The following EVC2 variants were observed in gnomAD, a reference collection of about 807,000 sequenced individuals.
EVC2 encodes EvC ciliary complex subunit 2.
A neutral mutation model predicts 149.3 loss-of-function variants in EVC2; 148 were observed. The observed-to-expected ratio is 0.99, with a 90% CI of 0.87 to 1.14. The LOEUF (loss-of-function observed/expected upper bound fraction) is 1.14. EVC2 is among the 50% of genes most tolerant of loss of function. The probability of loss-of-function intolerance (pLI) is 0.00; values close to 1 mark genes in which losing one functional copy is unlikely to be tolerated. For synonymous variants in EVC2, 776 were observed against 649.9 expected, an observed-to-expected ratio of 1.19 and a Z score of -2.95; for missense variants, 1,854 against 1,627.3, an observed-to-expected ratio of 1.14 and a Z score of -2.40.
chr4:5,654,009 T>A (rs1014288606), intron 9 of EVC2, among the ~76,000 whole-genome samples: 4 of 151,836 alleles, frequency 2.6e-5, no homozygotes, highest in African/African-American at 7.3e-5. Flanking sequence ...AGGTAAGGAG[T>A]TCGACACCAG....
At chr4:5,599,529 C>T (rs1405068767) in intron 16 of EVC2, among the ~76,000 whole-genome samples, 1 of 151,964 alleles carries the variant, frequency 6.6e-6, no homozygotes, top group Non-Finnish European at 1.5e-5. Context: ...AATGAGAACA[C>T]ATGGACACAG....
At chr4:5,547,991 C>A (rs1199058286) in intron 21 of EVC2, among the ~76,000 whole-genome samples, 1 of 152,152 alleles carries the variant, frequency 6.6e-6, no homozygotes, top group African/African-American at 2.4e-5. Flanking sequence ...TGTGGTGCAC[C>A]TGGTCTAGCC....
intron 21 of EVC2, among the ~76,000 whole-genome samples, chr4:5,546,349 C>T (rs192178181): frequency 2.0e-5 from 3 of 152,204 alleles, no homozygotes; most frequent in Middle Eastern, 3.4e-3. Flanking sequence ...ATTAAGGAAA[C>T]GTGGCACATA....
chr4:5,701,208 G>C (rs1709046174), intron 1 of EVC2, among the ~76,000 whole-genome samples: 2 of 152,146 alleles, frequency 1.3e-5, no homozygotes, highest in South Asian at 4.1e-4. Flanking sequence ...ATCTCCTTCT[G>C]ATCTCTTCTC....
In EVC2 at chr4:5,614,515, G is replaced by T. The variant is rs1373909121; in HGVS notation, c.2829+907C>A. 1.3e-5 allele frequency among the ~76,000 whole-genome samples: 2 copies of T among 152,192 alleles called. No homozygotes were observed. Among genetic ancestry groups the T allele is most frequent in the Non-Finnish European group, 2.9e-5 (2 of 68,030 alleles). On this transcript the variant is annotated intron_variant, in intron 16 of 21. Transcript: ENST00000344408. The surrounding 1 kb of genome is among the most constrained non-coding windows in gnomAD (Gnocchi z 4.7). ...GGAGAATCTACGGTGTTCGGGTAAG[G>T]CTTCTTGGAAGGGGAGACATCCAAG...
In EVC2 at chr4:5,568,539, CTGAGGCTG is replaced by C; in HGVS notation, c.3454_3461del (p.Gln1152AlafsTer18). ...TGGCCGAATCCAGCAGGGCCAGCAG[CTGAGGCTG>C]TGAGGCTGTGGGCAGTACCACACTC... On this transcript the variant is annotated frameshift_variant, in exon 20 of 22. Coordinates refer to ENST00000344408, the MANE Select transcript of EVC2 (RefSeq NM_147127.5). LOFTEE classifies it high-confidence loss of function. 1.2e-6 allele frequency: 2 copies of C among 1,601,978 alleles called. No individual in the cohort carries two copies. The highest frequency in any genetic ancestry group is 1.7e-6 in the Non-Finnish European group (2 of 1,178,360).
chr4:5,621,535 C>T (rs1715688157), intron 14 of EVC2, among the ~76,000 whole-genome samples: 1 of 152,182 alleles, frequency 6.6e-6, no homozygotes, highest in African/African-American at 2.4e-5. Flanking sequence ...CCTCCAGTTT[C>T]CAATCTGTTG....
intron 9 of EVC2, among the ~76,000 whole-genome samples, chr4:5,648,456 G>C (rs1453091845): frequency 1.3e-5 from 2 of 152,168 alleles, no homozygotes; most frequent in Non-Finnish European, 2.9e-5. Flanking sequence ...GCTGTACCAG[G>C]TGCTTTACCG....
chr4:5,689,068 G>T, intron 5 of EVC2, 89 bp downstream of exon 5: 1 of 1,438,500 alleles, frequency 7.0e-7, no homozygotes. Flanking sequence ...AAGGCTTTAA[G>T]AACATGCCTG....
chr4:5,659,110 G>A (rs1020649964), intron 9 of EVC2, among the ~76,000 whole-genome samples: 4 of 152,188 alleles, frequency 2.6e-5, no homozygotes, highest in Non-Finnish European at 2.9e-5. Context: ...AATGCTCTTT[G>A]TCAAAAATAA....
intron 7 of EVC2, 72 bp from the exon 8 acceptor site, chr4:5,665,721 G>C (rs1006503129): frequency 1.1e-5 from 18 of 1,584,762 alleles, no homozygotes; most frequent in Non-Finnish European, 1.5e-5. Flanking sequence ...ACAGATGATT[G>C]AGTGTCAGAG....
intron 1 of EVC2, among the ~76,000 whole-genome samples, chr4:5,700,853 G>C (rs1397648707): frequency 1.3e-5 from 2 of 151,536 alleles, no homozygotes; most frequent in Admixed American, 1.3e-4. Flanking sequence ...TCCACTTAAT[G>C]ATCAGTCCTC....
At chr4:5,653,982 G>C (rs895901512) in intron 9 of EVC2, among the ~76,000 whole-genome samples, 18 of 152,224 alleles carry the variant, frequency 1.2e-4, no homozygotes, top group African/African-American at 4.1e-4. Context: ...GGGAGGCCGA[G>C]GCAGGCGGAT....
At chr4:5,537,395 C>T in the EVC2 span, among the ~76,000 whole-genome samples, 1 of 152,182 alleles carries the variant, frequency 6.6e-6, no homozygotes, top group Non-Finnish European at 1.5e-5. Context: ...AAACAATATT[C>T]AGTGCTCACA....
intron 21 of EVC2, among the ~76,000 whole-genome samples, chr4:5,551,827 A>T (rs540293741): frequency 6.6e-6 from 1 of 152,262 alleles, no homozygotes; most frequent in South Asian, 2.1e-4. Context: ...ATAGTGAATA[A>T]GTCTCACAAG....
chr4:5,659,526 G>C (rs1321679533), intron 9 of EVC2, among the ~76,000 whole-genome samples: 1 of 152,090 alleles, frequency 6.6e-6, no homozygotes, highest in African/African-American at 2.4e-5. Flanking sequence ...GGCTGGGGGA[G>C]AGGAAGAGAG....
At chr4:5,621,102 C>T (rs1715654950) in intron 14 of EVC2, among the ~76,000 whole-genome samples, 1 of 152,176 alleles carries the variant, frequency 6.6e-6, no homozygotes, top group Admixed American at 6.5e-5. Context: ...TTAACGCAAA[C>T]CAAGATAGTA....
At chr4:5,681,138 C>T in intron 7 of EVC2, 122 bp downstream of exon 7, 1 of 1,102,236 alleles carries the variant, frequency 9.1e-7, no homozygotes, top group Non-Finnish European at 1.4e-6. Flanking sequence ...GAGTCCCAGT[C>T]TCAACGCATA....
chr4:5,544,357 C>G (rs572734811), intron 21 of EVC2, among the ~76,000 whole-genome samples: 1 of 152,200 alleles, frequency 6.6e-6, no homozygotes, highest in Admixed American at 6.5e-5. Flanking sequence ...TTCACAGAGC[C>G]CTCTGAGATT....
Sources: allele counts gnomAD v4.1 joint callset (sites outside exome capture counted in the v4.1 genomes callset), GRCh38; gene constraint gnomAD v4.1.1; non-coding constraint Gnocchi (gnomAD v3.1); transcripts MANE v1.5; gene names NCBI Gene and HGNC (gene_info 2026-07-23, HGNC 2026-07-21).